PRG4: variants seen among roughly 807,000 people sequenced by gnomAD.
The protein encoded by PRG4 is articular superficial zone protein.
In PRG4, 61 loss-of-function variants were observed where a neutral mutation model predicts 91.2. The ratio of observed to expected loss-of-function variants is 0.67; its 90% CI spans 0.54 to 0.83. The LOEUF (loss-of-function observed/expected upper bound fraction) is 0.83. PRG4 is among the 40% of genes least tolerant of loss of function. The pLI is 0.00. For missense variants in PRG4, 1,564 were observed against 1,714.2 expected (o/e 0.91, Z 1.55); for synonymous variants, 576 against 614.2 (o/e 0.94, Z 0.92).
chr1:186,314,361 C>T lies in PRG4; in HGVS notation c.*583C>T. ...ACAACAAATGAATATAACACTATAA[C>T]ACTTCATATTTTCCAAATCTTAATT... On this transcript the variant is annotated 3_prime_UTR_variant, in exon 13 of 13. Transcript: ENST00000445192. 2.8e-6 allele frequency: 1 copy of T among 361,588 alleles called. No individual in the cohort carries two copies. The highest frequency in any genetic ancestry group is 4.9e-6 in the Non-Finnish European group (1 of 202,716). The allele number at this position is 361,588 out of a possible 1,614,324, so 22.4% of individuals were successfully genotyped here.
intron 10 of PRG4, 82 bp from the exon 11 acceptor site, chr1:186,312,093 C>G: frequency 8.6e-7 from 1 of 1,168,088 alleles, no homozygotes; most frequent in Non-Finnish European, 1.3e-6. Flanking sequence ...GTTTCCTATA[C>G]ATTGTAAAAG....
In PRG4 at chr1:186,307,614, T is replaced by TCACGCCCACCACCCCCGAGAAGCC; in HGVS notation, c.1896_1897insACGCCCACCACCCCCGAGAAGCCC (p.Leu632_Ala633insThrProThrThrProGluLysPro). 9.9e-7 allele frequency: 1 copy of TCACGCCCACCACCCCCGAGAAGCC among 1,005,876 alleles called. No individual in the cohort carries two copies. Among genetic ancestry groups the TCACGCCCACCACCCCCGAGAAGCC allele is most frequent in the Non-Finnish European group, 1.2e-6 (1 of 827,502 alleles). The allele number at this position is 1,005,876 out of a possible 1,614,324, so 62.3% of individuals were successfully genotyped here. A position where few individuals can be genotyped will look rare whatever the true frequency, so the allele number is the denominator to read the frequency against. ...CTCACGCCCACCACCCCCGAGAAGCTCGCACCCACCACCCCTGAGAAGCCC... is the reference window on the plus strand; with the variant it reads ...CTCACGCCCACCACCCCCGAGAAGCTCACGCCCACCACCCCCGAGAAGCCCGCACCCACCACCCCTGAGAAGCCC... On this transcript the variant is annotated inframe_insertion, in exon 7 of 13. Coordinates refer to ENST00000445192, the MANE Select transcript of PRG4 (RefSeq NM_005807.6).
chr1:186,302,216 A>G (rs1656270685), intron 4 of PRG4, among the ~76,000 whole-genome samples: 1 of 152,166 alleles, frequency 6.6e-6, no homozygotes, highest in Non-Finnish European at 1.5e-5. Context: ...AATCTACCTA[A>G]CACGTTGTTA....
At chr1:186,311,747 T>C (rs551531809) in intron 10 of PRG4, 151 bp downstream of exon 10, 110 of 799,466 alleles carry the variant, frequency 1.4e-4, no homozygotes, top group Middle Eastern at 1.4e-3. Context: ...GGTAGTATTC[T>C]TATTGCCCTC....
chr1:186,308,877 G>A lies in PRG4; in HGVS notation c.3158G>A (p.Arg1053His), dbSNP rs149799261. The change falls in exon 7 of 13, where the codon CGC (arginine) becomes CAC (histidine). Residue 1053 changes from arginine (R) to histidine (H), a missense_variant. Arg to His is a conservative substitution (Grantham distance 29). Coordinates refer to ENST00000445192, the MANE Select transcript of PRG4 (RefSeq NM_005807.6). ...AAACCAAAGACGACACCAACTCCCC[G>A]CAAGATGACATCAACAATGCCAGAA... ...VRKPKTTPTPRKMTSTMPELN... is the reference protein window; with the variant it reads ...VRKPKTTPTPHKMTSTMPELN... The A allele has an allele frequency of 6.2e-5, 100 of 1,613,644 alleles. No homozygotes were observed. The highest frequency in any genetic ancestry group is 7.4e-5 in the Non-Finnish European group (87 of 1,179,912).
rs115596185 is a variant in PRG4 at position 186,307,711 on chromosome 1, T to C, written c.1992T>C (p.Pro664=). 2,549 of 1,534,796 alleles carry C rather than the reference T, an allele frequency of 1.7e-3. 46 individuals are homozygous for C. The African/African-American group carries it at 0.036, about 22-fold the overall frequency. The change falls in exon 7 of 13, where the codon CCT becomes CCC. Residue 664 remains proline (P), a synonymous_variant. Coordinates refer to ENST00000445192, the MANE Select transcript of PRG4 (RefSeq NM_005807.6). ...CCACACCCACCACCCCTGAGGAGCC[T>C]GCTCCCACCACTCCCAAGGCAGCGG... ...EEPTPTTPEE[P]APTTPKAAAP...
chr1:186,311,304 C>G (rs1284999348), intron 9 of PRG4, 134 bp downstream of exon 9: 7 of 1,409,118 alleles, frequency 5.0e-6, no homozygotes, highest in Non-Finnish European at 7.0e-6. Flanking sequence ...CATAATTCAA[C>G]AGTTTGATAA....
chr1:186,313,752 T>C lies in PRG4; in HGVS notation c.4189T>C (p.Ser1397Pro). 1 of 1,607,038 alleles carries C rather than the reference T, an allele frequency of 6.2e-7. No individual in the cohort carries two copies. Among genetic ancestry groups the C allele is most frequent in the South Asian group, 1.1e-5 (1 of 90,942 alleles). ...TACTACTCGTTCTGGGCAGACCTTA[T>C]CCAAAGTCTGGTACAACTGTCCTTA... ...AITTRSGQTL[S>P]KVWYNCP is the part of the protein sequence containing the mutation. The change falls in exon 13 of 13, where the codon TCC becomes CCC. Residue 1397 changes from serine to proline, a missense_variant. By Grantham distance (74) the Ser-to-Pro change is moderately conservative. Around this residue, in one of 3 missense-constraint regions of PRG4, gnomAD observed 1,079 missense variants for 1,162.2 expected, o/e 0.93. Transcript: ENST00000445192.
At chr1:186,299,862 G>A (rs958615026) in intron 2 of PRG4, among the ~76,000 whole-genome samples, 1 of 152,048 alleles carries the variant, frequency 6.6e-6, no homozygotes, top group African/African-American at 2.4e-5. Context: ...TACTTTGCCT[G>A]GTTTTCAAAA....
intron 2 of PRG4, 91 bp from the exon 3 acceptor site, chr1:186,300,000 C>G (rs1463722328): frequency 7.5e-6 from 11 of 1,467,590 alleles, no homozygotes; most frequent in Non-Finnish European, 1.0e-5. Context: ...ATAAAATTCT[C>G]TCTCACCAAG....
At chr1:186,304,690 T>C in intron 5 of PRG4, 104 bp from the exon 6 acceptor site, 2 of 1,413,902 alleles carry the variant, frequency 1.4e-6, no homozygotes, top group East Asian at 4.6e-5. Flanking sequence ...AAAATCCAGA[T>C]ACTTGTAGAC....
At chr1:186,301,067 T>A (rs1656184367) in intron 3 of PRG4, among the ~76,000 whole-genome samples, 2 of 152,296 alleles carry the variant, frequency 1.3e-5, no homozygotes, top group Non-Finnish European at 2.9e-5. Flanking sequence ...CTGAAAGCTT[T>A]CAACTATACA....
intron 10 of PRG4, 119 bp from the exon 11 acceptor site, chr1:186,312,056 T>G (rs902587086): frequency 3.8e-5 from 29 of 773,148 alleles, no homozygotes; most frequent in Non-Finnish European, 6.2e-5. Flanking sequence ...AATATCAATA[T>G]ATTATATGAA....
At chr1:186,312,670 G>C (rs1435352491) in intron 11 of PRG4, 99 bp from the exon 12 acceptor site, 2 of 1,296,914 alleles carry the variant, frequency 1.5e-6, no homozygotes, top group African/African-American at 1.5e-5. Context: ...TTCTACATCA[G>C]AGGGCTAAAA....
rs1657193659 is a variant in PRG4, at chr1:186,311,186, TTG to T, written c.3636+19_3636+20del. 6.2e-7 allele frequency: 1 copy of T among 1,601,620 alleles called. No homozygotes were observed. Among genetic ancestry groups the T allele is most frequent in the East Asian group, 2.2e-5 (1 of 44,790 alleles). Reference sequence around the variant, plus strand: ...CTTCTTTAAGGTAACACAAATATCTTTGTGAGAGAAATTTAATAATAATTTGT... The same window carrying T: ...CTTCTTTAAGGTAACACAAATATCTTTGAGAGAAATTTAATAATAATTTGT... On this transcript the variant is annotated intron_variant, in intron 9 of 12. Transcript: ENST00000445192.
intron 7 of PRG4, 22 bp downstream of exon 7, chr1:186,309,162 C>T: frequency 6.3e-7 from 1 of 1,596,632 alleles, no homozygotes; most frequent in Non-Finnish European, 8.6e-7. Context: ...CAGTTATTTT[C>T]ATTTTTAAAG....
At chr1:186,313,372 T>C in intron 12 of PRG4, 1 of 342,660 alleles carries the variant, frequency 2.9e-6, no homozygotes, top group Non-Finnish European at 5.4e-6. Flanking sequence ...TTGGCATGTA[T>C]TTTTTAAAAG....
At chr1:186,305,030 A>T in intron 6 of PRG4, 108 bp downstream of exon 6, 1 of 1,184,786 alleles carries the variant, frequency 8.4e-7, no homozygotes, top group Non-Finnish European at 1.2e-6. Context: ...TATGGGGGGG[A>T]ATATAACTTT....
intron 2 of PRG4, 79 bp downstream of exon 2, chr1:186,297,030 A>G: frequency 7.9e-7 from 1 of 1,266,834 alleles, no homozygotes; most frequent in Non-Finnish European, 1.1e-6. Context: ...CAACGGAAAT[A>G]TATTTCTAAA....
Sources: gnomAD v4.1 joint callset for allele counts (sites outside exome capture counted in the v4.1 genomes callset) on GRCh38, gnomAD v4.1.1 for gene constraint, gnomAD v4.1.1 regional missense constraint, MANE v1.5 for transcripts, NCBI Gene and HGNC (gene_info 2026-07-23, HGNC 2026-07-21) for gene names.